The following SLC24A3 variants were observed in gnomAD, a reference collection of about 807,000 sequenced individuals.
SLC24A3 encodes solute carrier family 24 member 3.
Under a neutral mutation model 75.8 loss-of-function variants are expected in SLC24A3, and 28 were observed. The ratio of observed to expected loss-of-function variants is 0.37; its 90% confidence interval spans 0.27 to 0.51. The LOEUF (loss-of-function observed/expected upper bound fraction) is 0.51. Among genes scored for constraint, SLC24A3 ranks in the 20% least tolerant of loss-of-function variants. The probability of loss-of-function intolerance (pLI) is 0.94; values close to 1 mark genes in which losing one functional copy is unlikely to be tolerated. For synonymous variants in SLC24A3, 372 were observed against 334.1 expected (o/e 1.11, Z -1.24); for missense variants, 663 against 847.8 (o/e 0.78, Z 2.71).
At chr20:19,559,708 G>A (rs938328585) in intron 3 of SLC24A3, among the ~76,000 whole-genome samples, 1 of 151,992 alleles carries the variant, frequency 6.6e-6, no homozygotes, top group African/African-American at 2.4e-5. Context: ...CACCAGTTAA[G>A]TGCCCTGAGA....
chr20:19,514,066 C>T (rs1027613890), intron 2 of SLC24A3, among the ~76,000 whole-genome samples: 4 of 152,230 alleles, frequency 2.6e-5, no homozygotes, highest in Non-Finnish European at 5.9e-5. Flanking sequence ...TCGTGTGGCT[C>T]CAACCCAATA....
At chr20:19,213,074 C>G in intron 1 of SLC24A3, 90 bp downstream of exon 1, 6 of 1,129,130 alleles carry the variant, frequency 5.3e-6, no homozygotes, top group Non-Finnish European at 6.5e-6. Flanking sequence ...TCGGGCGGCC[C>G]GGCCGGAGCC....
chr20:19,643,066 T>C (rs749433937), intron 6 of SLC24A3, among the ~76,000 whole-genome samples: 6 of 152,194 alleles, frequency 3.9e-5, no homozygotes, highest in African/African-American at 4.8e-5. Flanking sequence ...TGAAGATCAG[T>C]TGGGGCCAGA....
intron 6 of SLC24A3, among the ~76,000 whole-genome samples, chr20:19,633,081 C>A (rs2031954243): frequency 6.6e-6 from 1 of 152,222 alleles, no homozygotes; most frequent in Non-Finnish European, 1.5e-5. Flanking sequence ...TTACCATGAT[C>A]TTTGGCTTTC....
chr20:19,624,593 T>C (rs752767421), intron 6 of SLC24A3, among the ~76,000 whole-genome samples: 4 of 152,172 alleles, frequency 2.6e-5, no homozygotes, highest in Non-Finnish European at 4.4e-5. Context: ...AATTTTAGGC[T>C]CAGAGCTGGC....
intron 3 of SLC24A3, among the ~76,000 whole-genome samples, chr20:19,551,115 G>C (rs1192840173): frequency 6.6e-6 from 1 of 152,240 alleles, no homozygotes; most frequent in African/African-American, 2.4e-5. Context: ...CTAGTGCAGT[G>C]CTTCTGCAGT....
At chr20:19,234,957 C>T (rs1982121479) in intron 1 of SLC24A3, among the ~76,000 whole-genome samples, 3 of 152,224 alleles carry the variant, frequency 2.0e-5, no homozygotes, top group Non-Finnish European at 4.4e-5. Context: ...TACGGTGTGA[C>T]TGTGTAGAAG....
At chr20:19,286,746 A>G (rs1177607540) in intron 2 of SLC24A3, among the ~76,000 whole-genome samples, 4 of 152,260 alleles carry the variant, frequency 2.6e-5, no homozygotes, top group East Asian at 1.9e-4. Flanking sequence ...TATTAGCTAC[A>G]TTACAAAAGT....
chr20:19,477,982 C>T (rs1457788762), intron 2 of SLC24A3, among the ~76,000 whole-genome samples: 2 of 152,180 alleles, frequency 1.3e-5, no homozygotes, highest in African/African-American at 4.8e-5. Flanking sequence ...TGCCCAGGTC[C>T]CTGGACATCA....
intron 15 of SLC24A3, among the ~76,000 whole-genome samples, chr20:19,709,561 G>A (rs935758026): frequency 3.3e-5 from 5 of 152,092 alleles, no homozygotes; most frequent in African/African-American, 4.8e-5. Flanking sequence ...GGTGGAAGTC[G>A]CAGTGAACTG....
intron 2 of SLC24A3, among the ~76,000 whole-genome samples, chr20:19,458,380 AT>A (rs1352430645): frequency 6.6e-6 from 1 of 152,176 alleles, no homozygotes; most frequent in Non-Finnish European, 1.5e-5. Flanking sequence ...TAAATACAAA[AT>A]TTGCCGTCTT....
chr20:19,479,783 T>G (rs1159610735), intron 2 of SLC24A3, among the ~76,000 whole-genome samples: 1 of 152,200 alleles, frequency 6.6e-6, no homozygotes, highest in Non-Finnish European at 1.5e-5. Context: ...GTCTGTCCCA[T>G]TGTCCCACAT....
intron 2 of SLC24A3, among the ~76,000 whole-genome samples, chr20:19,507,428 A>G (rs1004874351): frequency 1.3e-5 from 2 of 152,240 alleles, no homozygotes; most frequent in Admixed American, 6.5e-5. Flanking sequence ...ACAAAATACA[A>G]TAATGTTATT....
intron 2 of SLC24A3, among the ~76,000 whole-genome samples, chr20:19,314,212 A>G (rs1984525777): frequency 6.6e-6 from 1 of 152,086 alleles, no homozygotes; most frequent in Admixed American, 6.5e-5. Flanking sequence ...TTTTTTTAGG[A>G]AGGTTGGAGT....
chr20:19,308,667 A>C (rs773145534), intron 2 of SLC24A3, among the ~76,000 whole-genome samples: 20 of 152,168 alleles, frequency 1.3e-4, no homozygotes, highest in Non-Finnish European at 2.4e-4. Flanking sequence ...CAGTCATGTC[A>C]TTTGCAACTC....
chr20:19,308,233 G>A (rs918275992), intron 2 of SLC24A3, among the ~76,000 whole-genome samples: 3 of 152,180 alleles, frequency 2.0e-5, no homozygotes, highest in Admixed American at 6.5e-5. Flanking sequence ...TGCTTTGAAA[G>A]GAAAAGGTCT....
chr20:19,406,022 A>G lies in SLC24A3; in HGVS notation c.272-109466A>G, dbSNP rs578014738. On this transcript the variant is annotated intron_variant, in intron 2 of 16. Coordinates refer to ENST00000328041, the MANE Select transcript of SLC24A3 (RefSeq NM_020689.4). ...TGAAAATATGATTTTGAATTGCTTCATGGAACTTGCTGGAGTCTTGGGCCT... is the reference window on the plus strand; with the variant it reads ...TGAAAATATGATTTTGAATTGCTTCGTGGAACTTGCTGGAGTCTTGGGCCT... Among the ~76,000 whole-genome samples the G allele has an allele frequency of 2.0e-5, 3 of 152,336 alleles. No homozygotes were observed. The South Asian group carries it at 6.2e-4, about 32-fold the overall frequency.
chr20:19,652,931 G>A (rs1380709758), intron 6 of SLC24A3, among the ~76,000 whole-genome samples: 1 of 152,170 alleles, frequency 6.6e-6, no homozygotes, highest in Non-Finnish European at 1.5e-5. Flanking sequence ...GGCAAAGGTA[G>A]CCAGGCAAAC....
chr20:19,602,490 CTCT>C (rs2031539755), intron 6 of SLC24A3, among the ~76,000 whole-genome samples: 1 of 152,148 alleles, frequency 6.6e-6, no homozygotes, highest in Admixed American at 6.5e-5. Context: ...ATGCCTGGAC[CTCT>C]TCTTTAAAGC....
Sources: gnomAD v4.1 joint callset for allele counts (sites outside exome capture counted in the v4.1 genomes callset) on GRCh38, gnomAD v4.1.1 for gene constraint, MANE v1.5 for transcripts, NCBI Gene and HGNC (gene_info 2026-07-23, HGNC 2026-07-21) for gene names.